The following PLK5 variants were observed in gnomAD, a reference collection of about 807,000 sequenced individuals.
PLK5 encodes inactive serine/threonine-protein kinase PLK5.
PLK5 carries 28 observed loss-of-function variants against 33.7 expected under a neutral mutation model. The observed-to-expected ratio is 0.83, with a 90% CI of 0.62 to 1.14. The LOEUF (loss-of-function observed/expected upper bound fraction) is 1.14. PLK5 is among the 50% of genes most tolerant of loss of function. PLK5 has a pLI of 0.00. For synonymous variants in PLK5, 225 were observed against 202.2 expected (o/e 1.11, Z -0.96); for missense variants, 492 against 461.5 (o/e 1.07, Z -0.61).
At position 1,529,793 on chromosome 19, in the gene PLK5, C is replaced by G. The variant is rs1350434471; in HGVS notation, c.537C>G (p.His179Gln). The change falls in exon 11 of 14, where the codon CAC (histidine) becomes CAG (glutamine). Residue 179 changes from histidine (H) to glutamine (Q), a missense_variant. His to Gln is a conservative substitution (Grantham distance 24, BLOSUM62 0). Coordinates refer to ENST00000454744, the MANE Select transcript of PLK5 (RefSeq NM_001243079.2). ...RRPEVEAALR[H>Q]LQLCLDVGPP... ...CAGAGGTGGAGGCGGCCCTCAGACA[C>G]CTGCAGCTGTGCCTGGATGTAGGCC... The G allele has an allele frequency of 6.5e-7, 1 of 1,536,002 alleles. No individual in the cohort carries two copies. Among genetic ancestry groups the G allele is most frequent in the South Asian group, 1.2e-5 (1 of 84,048 alleles).
chr19:1,529,171 A>T (rs1010175103), intron 9 of PLK5, 197 bp downstream of exon 9: 2 of 649,566 alleles, frequency 3.1e-6, no homozygotes, highest in Admixed American at 6.0e-5. Flanking sequence ...GGCTTTCCCA[A>T]GGGCCGGGCT....
intron 11 of PLK5, among the ~76,000 whole-genome samples, chr19:1,531,235 C>G (rs1054425382): frequency 7.3e-5 from 11 of 151,650 alleles, no homozygotes; most frequent in Admixed American, 2.0e-4. Context: ...ATGGTGAAAC[C>G]CCATCTCTAC....
intron 8 of PLK5, 63 bp downstream of exon 8, chr19:1,528,491 TCCCACCTGCCCAC>T (rs1913818220): frequency 2.1e-6 from 2 of 949,736 alleles, no homozygotes; most frequent in Non-Finnish European, 2.6e-6. Context: ...TGCCCACACC[TCCCACCTGCCCAC>T]GCCTCCCACC....
intron 6 of PLK5, 107 bp from the exon 7 acceptor site, chr19:1,527,829 C>T (rs1281503851): frequency 1.7e-5 from 20 of 1,143,976 alleles, no homozygotes; most frequent in Admixed American, 7.3e-5. Context: ...ATGAGGAAGC[C>T]GATATGGGTT....
chr19:1,533,577 G>A, intron 12 of PLK5: 1 of 481,146 alleles, frequency 2.1e-6, no homozygotes, highest in South Asian at 5.0e-5. Context: ...AGAGAGGACA[G>A]AGAGCCGCAC....
Position 1,528,898 on chromosome 19 carries a change from G to T in PLK5, c.329G>T (p.Cys110Phe). 6.6e-7 allele frequency: 1 copy of T among 1,506,370 alleles called. No individual in the cohort carries two copies. The highest frequency in any genetic ancestry group is 1.4e-5 in the African/African-American group (1 of 71,756). The allele number at this position is 1,506,370 out of a possible 1,614,324, so 93.3% of individuals were successfully genotyped here. The change falls in exon 9 of 14, where the codon TGC (cysteine) becomes TTC (phenylalanine). Residue 110 changes from cysteine to phenylalanine, a missense_variant and splice_region_variant. By Grantham distance (205) the Cys-to-Phe change is radical. Coordinates refer to ENST00000454744, the MANE Select transcript of PLK5 (RefSeq NM_001243079.2). ...CTCCAAGGCCTTGTGCCTCCCTCAG[G>T]CCCCTTCACGCCTAAAGAGGCCTCG... ...QRLLTQCRPP[C>F]PFTPKEASGP...
intron 12 of PLK5, among the ~76,000 whole-genome samples, chr19:1,533,126 CTCTG>C (rs368109351): frequency 3.9e-5 from 6 of 152,228 alleles, no homozygotes; most frequent in African/African-American, 1.2e-4. Context: ...CAGAACGAGA[CTCTG>C]TCTCTTTTTT....
chr19:1,531,520 TC>T (rs1913927238), intron 11 of PLK5, among the ~76,000 whole-genome samples: 1 of 152,194 alleles, frequency 6.6e-6, no homozygotes, highest in Admixed American at 6.5e-5. Context: ...TGCGCCAGTA[TC>T]CCACAGTCTC....
rs1300075577 is a variant in PLK5 at position 1,528,146 on chromosome 19, T to C, written c.201+12T>C. ...ACTTCTTCACACAGGTGGGCGGCGG[T>C]CCTCGGCGTGGGGTCCCTGGCGTGG... On this transcript the variant is annotated intron_variant, in intron 7 of 13. Coordinates refer to ENST00000454744, the MANE Select transcript of PLK5 (RefSeq NM_001243079.2). The C allele has an allele frequency of 4.6e-6, 7 of 1,533,790 alleles. No homozygotes were observed. In the South Asian group the frequency reaches 8.3e-5, roughly 18 times the overall value.
chr19:1,527,205 C>G (rs1913768097), intron 6 of PLK5, among the ~76,000 whole-genome samples: 1 of 151,810 alleles, frequency 6.6e-6, no homozygotes, highest in Admixed American at 6.6e-5. Flanking sequence ...GAGAGGTGGA[C>G]AGGTGTGGGC....
Position 1,528,135 on chromosome 19 carries a change from G to A in PLK5, c.201+1G>A, listed in dbSNP as rs1391687229. 1 of 1,428,702 alleles carries A rather than the reference G, an allele frequency of 7.0e-7. No homozygotes were observed. Among genetic ancestry groups the A allele is most frequent in the Admixed American group, 2.4e-5 (1 of 40,890 alleles). The allele number at this position is 1,428,702 out of a possible 1,614,324, so 88.5% of individuals were successfully genotyped here. A position where few individuals can be genotyped will look rare whatever the true frequency, so the allele number is the denominator to read the frequency against. On this transcript the variant is annotated splice_donor_variant, in intron 7 of 13. Transcript: ENST00000454744. LOFTEE classifies it high-confidence loss of function. The stretch of plus-strand genomic sequence containing the variant: ...GCTGCAGGACGACTTCTTCACACAG[G>A]TGGGCGGCGGTCCTCGGCGTGGGGT...
At chr19:1,530,141 GGGGA>G (rs1170200689) in intron 11 of PLK5, among the ~76,000 whole-genome samples, 2 of 151,980 alleles carry the variant, frequency 1.3e-5, no homozygotes, top group African/African-American at 4.8e-5. Context: ...CACTCCAAAG[GGGGA>G]CCCCTCTTAT....
chr19:1,534,205 T>A (rs1162932440), intron 13 of PLK5, among the ~76,000 whole-genome samples, 164 bp downstream of exon 13: 1 of 148,332 alleles, frequency 6.7e-6, no homozygotes, highest in Non-Finnish European at 1.5e-5. Flanking sequence ...AACCACAGCA[T>A]GGAAAATGCA....
intron 12 of PLK5, among the ~76,000 whole-genome samples, chr19:1,533,409 C>T (rs142502360): frequency 0.01 from 1,541 of 152,178 alleles, 8 homozygotes; most frequent in Non-Finnish European, 0.013. Flanking sequence ...ATCTTTCTAG[C>T]GGGAGTGACA....
At chr19:1,530,409 T>C (rs1372939880) in intron 11 of PLK5, among the ~76,000 whole-genome samples, 10 of 152,036 alleles carry the variant, frequency 6.6e-5, no homozygotes, top group Non-Finnish European at 2.9e-5. Flanking sequence ...GCGATTCTCC[T>C]GCCTTAGCCT....
chr19:1,533,097 T>C (rs1411287748), intron 12 of PLK5, among the ~76,000 whole-genome samples: 2 of 152,102 alleles, frequency 1.3e-5, no homozygotes, highest in Non-Finnish European at 1.5e-5. Flanking sequence ...ATTGCACCAC[T>C]GCGCTCCAGC....
In PLK5 at chr19:1,529,462, A is replaced by G; in HGVS notation, c.462A>G (p.Ala154=). Residue 154 remains alanine (A), a synonymous_variant, in exon 10 of 14, where the codon GCA becomes GCG. Transcript: ENST00000454744. ...PCLEGPIHLV[A]QGTLQSDLAG... is the part of the protein sequence containing the mutation. Reference sequence around the variant, plus strand: ...TGGAAGGCCCCATCCACCTGGTCGCACAAGGGACCCTGCAGAGTGACCTGG... The same window carrying G: ...TGGAAGGCCCCATCCACCTGGTCGCGCAAGGGACCCTGCAGAGTGACCTGG... 1 of 1,536,016 alleles carries G rather than the reference A, an allele frequency of 6.5e-7. No individual in the cohort carries two copies. The highest frequency in any genetic ancestry group is 8.7e-7 in the Non-Finnish European group (1 of 1,146,836).
intron 3 of PLK5, among the ~76,000 whole-genome samples, chr19:1,526,264 C>T (rs536111661): frequency 1.3e-4 from 19 of 151,638 alleles, no homozygotes; most frequent in African/African-American, 4.4e-4. Context: ...GTGCCAGGTG[C>T]GGGGCCGGGG....
At chr19:1,529,012 T>C (rs1256012404) in intron 9 of PLK5, 38 bp downstream of exon 9, 1 of 1,448,138 alleles carries the variant, frequency 6.9e-7, no homozygotes, top group East Asian at 2.5e-5. Context: ...GAGACACAGG[T>C]GGAGGGCATG....
Sources: gnomAD v4.1 joint callset for allele counts (sites outside exome capture counted in the v4.1 genomes callset) on GRCh38, gnomAD v4.1.1 for gene constraint, MANE v1.5 for transcripts, NCBI Gene and HGNC (gene_info 2026-07-23, HGNC 2026-07-21) for gene names.